The following SERPINB13 variants were observed in gnomAD, a reference collection of about 807,000 sequenced individuals.
SERPINB13 encodes serpin B13.
In SERPINB13, 26 loss-of-function variants were observed where a neutral mutation model predicts 31.2. The ratio of observed to expected loss-of-function variants is 0.83; its 90% CI spans 0.61 to 1.15. The LOEUF is 1.15. Ranked by LOEUF, SERPINB13 falls within the 50% of genes most tolerant of loss-of-function variation. The probability of loss-of-function intolerance (pLI) is 0.00; values close to 1 mark genes in which losing one functional copy is unlikely to be tolerated. For synonymous variants in SERPINB13, 191 were observed against 172.4 expected, an observed-to-expected ratio of 1.11 and a Z score of -0.85; for missense variants, 510 against 469.4, an observed-to-expected ratio of 1.09 and a Z score of -0.80.
intron 2 of SERPINB13, 68 bp from the exon 3 acceptor site, chr18:63,589,588 C>T: frequency 1.9e-6 from 3 of 1,576,380 alleles, no homozygotes; most frequent in Admixed American, 1.9e-5. Flanking sequence ...GTCCACTCTC[C>T]CCTGACTGAT....
rs1345148936 is a variant in SERPINB13, at chr18:63,588,658, T to G, written c.-10T>G. 1 of 1,614,016 alleles carries G rather than the reference T, an allele frequency of 6.2e-7. No homozygotes were observed. Among genetic ancestry groups the G allele is most frequent in the Non-Finnish European group, 8.5e-7 (1 of 1,179,996 alleles). On this transcript the variant is annotated 5_prime_UTR_variant, in exon 2 of 8. An upstream open reading frame in the 5' UTR loses its in-frame stop. Coordinates refer to ENST00000344731, the MANE Select transcript of SERPINB13 (RefSeq NM_012397.4). The stretch of plus-strand genomic sequence containing the variant: ...TTGTTCTTGCTATTCTAGGTCTCGC[T>G]AAAATCATCATGGATTCACTTGGCG...
intron 5 of SERPINB13, 50 bp from the exon 6 acceptor site, chr18:63,594,305 A>G (rs1568147020): frequency 6.2e-7 from 1 of 1,610,546 alleles, no homozygotes; most frequent in Non-Finnish European, 8.5e-7. Context: ...CATACATATT[A>G]TTTGTCATTT....
At position 63,594,483 on chromosome 18, in the gene SERPINB13, T is replaced by C. The variant is rs768170345; in HGVS notation, c.601T>C (p.Phe201Leu). ...FKKENTKEEK[F>L]WMNKSTSKSV... ...GAAAGAAAATACTAAGGAAGAGAAATTTTGGATGAATAAGGTATGGCCCTT... is the reference window on the plus strand; with the variant it reads ...GAAAGAAAATACTAAGGAAGAGAAACTTTGGATGAATAAGGTATGGCCCTT... The change falls in exon 6 of 8, where the codon TTT (phenylalanine) becomes CTT (leucine). Residue 201 changes from phenylalanine to leucine, a missense_variant. Coordinates refer to ENST00000344731, the MANE Select transcript of SERPINB13 (RefSeq NM_012397.4). 3 of 1,613,732 alleles carry C rather than the reference T, an allele frequency of 1.9e-6. No individual in the cohort carries two copies. Among genetic ancestry groups the C allele is most frequent in the South Asian group, 2.2e-5 (2 of 91,034 alleles).
chr18:63,593,657 A>C (rs1911986209), intron 5 of SERPINB13, among the ~76,000 whole-genome samples: 1 of 152,208 alleles, frequency 6.6e-6, no homozygotes, highest in Admixed American at 6.5e-5. Context: ...TTAGAGTTTC[A>C]GATTCCATTT....
chr18:63,597,356 C>G lies in SERPINB13; in HGVS notation c.1169C>G (p.Ser390Cys), dbSNP rs1490893321. ...NSILFFGRFS[S>C]P is the part of the protein sequence containing the mutation. ...ATCCTCTTCTTCGGCAGATTTTCTT[C>G]TCCTTAAGATGATCGTTGCCATGGC... The change falls in exon 8 of 8, where the codon TCT becomes TGT. Residue 390 changes from serine (S) to cysteine (C), a missense_variant. By Grantham distance (112) the Ser-to-Cys change is moderately radical (BLOSUM62 -1). Transcript: ENST00000344731. The G allele has an allele frequency of 2.5e-6, 4 of 1,609,104 alleles. No homozygotes were observed. The highest frequency in any genetic ancestry group is 3.4e-6 in the Non-Finnish European group (4 of 1,176,660).
chr18:63,594,282 G>A (rs759511075), intron 5 of SERPINB13, 73 bp from the exon 6 acceptor site: 80 of 1,597,128 alleles, frequency 5.0e-5, no homozygotes, highest in Non-Finnish European at 6.3e-5. Context: ...AAGTCCATCT[G>A]CATCATATTT....
At chr18:63,593,075 T>C (rs1265547251) in intron 5 of SERPINB13, 104 bp downstream of exon 5, 1 of 750,674 alleles carries the variant, frequency 1.3e-6, no homozygotes, top group Non-Finnish European at 2.3e-6. Flanking sequence ...CCTGGACTTG[T>C]CACTGCGTGG....
chr18:63,597,560 G>C lies in SERPINB13; in HGVS notation c.*197G>C. 1.7e-6 allele frequency: 1 copy of C among 598,144 alleles called. No individual in the cohort carries two copies. Among genetic ancestry groups the C allele is most frequent in the South Asian group, 2.4e-5 (1 of 42,086 alleles). The allele number at this position is 598,144 out of a possible 1,614,324, so 37.1% of individuals were successfully genotyped here. On this transcript the variant is annotated 3_prime_UTR_variant, in exon 8 of 8. Coordinates refer to ENST00000344731, the MANE Select transcript of SERPINB13 (RefSeq NM_012397.4). ...TCGAAAGTGAAATGTCCTTTTCTTT[G>C]TGCCATGCGTAAGGTGAGTCAAACC...
intron 6 of SERPINB13, 110 bp from the exon 7 acceptor site, chr18:63,594,919 A>G (rs1439790407): frequency 8.0e-6 from 8 of 995,374 alleles, no homozygotes; most frequent in African/African-American, 3.3e-5. Context: ...AGACTCTGAT[A>G]TTGGGTTTTA....
At chr18:63,590,112 C>T (rs973846958) in intron 3 of SERPINB13, 12 of 161,326 alleles carry the variant, frequency 7.4e-5, no homozygotes, top group Admixed American at 1.3e-4. Context: ...CTGTAAAGTC[C>T]GCAGTAGGGG....
Position 63,592,430 on chromosome 18 carries a change from A to G in SERPINB13, c.308A>G (p.Asn103Ser). The G allele has an allele frequency of 6.2e-7, 1 of 1,613,672 alleles. No individual in the cohort carries two copies. The highest frequency in any genetic ancestry group is 8.5e-7 in the Non-Finnish European group (1 of 1,179,738). ...AAACTCACTAATGATTATGAACTGAACATAACCAACAGGCTGTTTGGAGAA... is the reference window on the plus strand; with the variant it reads ...AAACTCACTAATGATTATGAACTGAGCATAACCAACAGGCTGTTTGGAGAA... ...ISKLTNDYELNITNRLFGEKT... is the reference protein window; with the variant it reads ...ISKLTNDYELSITNRLFGEKT... The change falls in exon 4 of 8, where the codon AAC becomes AGC. Residue 103 changes from asparagine to serine, a missense_variant. Asn to Ser is a conservative substitution (Grantham distance 46). Transcript: ENST00000344731.
At chr18:63,595,261 T>C in intron 7 of SERPINB13, 77 bp downstream of exon 7, 1 of 1,412,644 alleles carries the variant, frequency 7.1e-7, no homozygotes. Context: ...TAGGAGCTGG[T>C]GGCCAGCAGT....
rs893317802 is a variant in SERPINB13, at chr18:63,595,134, G to T, written c.721G>T (p.Asp241Tyr). ...KILGIPYKNN[D>Y]LSMFVLLPND... is the part of the protein sequence containing the mutation. Reference sequence around the variant, plus strand: ...TCTAGGGATTCCATATAAAAACAACGACCTAAGCATGTTTGTGCTTCTGCC... The same window carrying T: ...TCTAGGGATTCCATATAAAAACAACTACCTAAGCATGTTTGTGCTTCTGCC... Residue 241 changes from aspartate (D) to tyrosine (Y), a missense_variant, in exon 7 of 8, where the codon GAC becomes TAC. By Grantham distance (160) the Asp-to-Tyr change is radical (BLOSUM62 -3). Coordinates refer to ENST00000344731, the MANE Select transcript of SERPINB13 (RefSeq NM_012397.4). 6.2e-7 allele frequency: 1 copy of T among 1,613,948 alleles called. No individual in the cohort carries two copies. The highest frequency in any genetic ancestry group is 8.5e-7 in the Non-Finnish European group (1 of 1,179,952).
chr18:63,588,471 T>A (rs906879277), intron 1 of SERPINB13, among the ~76,000 whole-genome samples, 180 bp from the exon 2 acceptor site: 2 of 152,124 alleles, frequency 1.3e-5, no homozygotes, highest in South Asian at 4.2e-4. Context: ...TTGATGGATG[T>A]CTCCCAGCAA....
chr18:63,597,011 A>T lies in SERPINB13; in HGVS notation c.824A>T (p.His275Leu). ...EKLVEWTSPG[H>L]MEERKVNLHL... ...TTGGTAGAGTGGACTAGTCCAGGGCATATGGAAGAAAGAAAGGTGAATCTG... is the reference window on the plus strand; with the variant it reads ...TTGGTAGAGTGGACTAGTCCAGGGCTTATGGAAGAAAGAAAGGTGAATCTG... Residue 275 changes from histidine to leucine, a missense_variant, in exon 8 of 8, where the codon CAT becomes CTT. Transcript: ENST00000344731. 1 of 1,614,184 alleles carries T rather than the reference A, an allele frequency of 6.2e-7. No individual in the cohort carries two copies. The highest frequency in any genetic ancestry group is 1.1e-5 in the South Asian group (1 of 91,084).
chr18:63,592,196 G>T, intron 3 of SERPINB13, 152 bp from the exon 4 acceptor site: 3 of 718,580 alleles, frequency 4.2e-6, no homozygotes, highest in Non-Finnish European at 6.5e-6. Context: ...TTGGGTAAAG[G>T]CTACCTGATA....
chr18:63,592,517 G>T lies in SERPINB13; in HGVS notation c.354+41G>T. 3 of 1,600,834 alleles carry T rather than the reference G, an allele frequency of 1.9e-6. No homozygotes were observed. In the Admixed American group the frequency reaches 5.1e-5, roughly 27 times the overall value. On this transcript the variant is annotated intron_variant, in intron 4 of 7. Transcript: ENST00000344731. Reference sequence around the variant, plus strand: ...CTACCATATCTGTGAGTGGTATTCTGGAATGGCCAAATGGCCCTGGTAGGA... The same window carrying T: ...CTACCATATCTGTGAGTGGTATTCTTGAATGGCCAAATGGCCCTGGTAGGA...
At chr18:63,590,163 T>C (rs141134313) in intron 3 of SERPINB13, 236 of 155,528 alleles carry the variant, frequency 1.5e-3, no homozygotes, top group African/African-American at 4.5e-3. Context: ...GTAGTAGCAG[T>C]AGGTGATATT....
intron 5 of SERPINB13, among the ~76,000 whole-genome samples, chr18:63,593,809 G>T (rs146488243): frequency 4.0e-4 from 61 of 152,226 alleles, no homozygotes; most frequent in African/African-American, 1.3e-3. Flanking sequence ...AGAATTTATT[G>T]TGGGATGGGG....
Sources: gnomAD v4.1 joint callset for allele counts (sites outside exome capture counted in the v4.1 genomes callset) on GRCh38, gnomAD v4.1.1 for gene constraint, MANE v1.5 for transcripts, NCBI Gene and HGNC (gene_info 2026-07-23, HGNC 2026-07-21) for gene names.